The following AFMID variants were observed in gnomAD, a reference collection of about 807,000 sequenced individuals.
AFMID encodes arylformamidase.
In AFMID, 39 loss-of-function variants were observed where a neutral mutation model predicts 47.5. That is an observed-to-expected ratio of 0.82 (90% CI 0.64 to 1.07). The LOEUF (loss-of-function observed/expected upper bound fraction) is 1.07, where lower values mean the gene tolerates loss of function less well. AFMID is among the 50% of genes least tolerant of loss of function. The pLI, the probability that AFMID is intolerant of heterozygous loss-of-function variation, is 0.00. For missense variants in AFMID, 375 were observed against 387.5 expected (o/e 0.97, Z 0.27); for synonymous variants, 130 against 153.2 (o/e 0.85, Z 1.12).
rs374429075 is a variant in AFMID, at chr17:78,205,706, G to A, written c.748G>A (p.Glu250Lys). 46 of 1,611,264 alleles carry A rather than the reference G, an allele frequency of 2.9e-5. No individual in the cohort carries two copies. The highest frequency in any genetic ancestry group is 4.0e-5 in the African/African-American group (3 of 74,900). ...GGTCGTGGGCCAGTTCGACTCCCCC[G>A]AATTCCACCGACAGTCCTGGGAGTT... ...LVVVGQFDSP[E>K]FHRQSWEFYQ... The change falls in exon 9 of 11, where the codon GAA becomes AAA. Residue 250 changes from glutamate to lysine, a missense_variant. Coordinates refer to ENST00000409257, the MANE Select transcript of AFMID (RefSeq NM_001010982.5).
intron 2 of AFMID, among the ~76,000 whole-genome samples, chr17:78,201,440 G>A (rs980408015): frequency 6.6e-6 from 1 of 152,026 alleles, no homozygotes; most frequent in Non-Finnish European, 1.5e-5. Flanking sequence ...CCAATACAGT[G>A]AAACCCCGTC....
chr17:78,198,583 G>A (rs1457930809), intron 2 of AFMID, among the ~76,000 whole-genome samples: 2 of 150,954 alleles, frequency 1.3e-5, no homozygotes, highest in African/African-American at 2.4e-5. Context: ...AGGTTGGAGT[G>A]AGCGGAGATT....
rs2076283987 is a variant in AFMID, at chr17:78,202,903, C to T, written c.308+152C>T. 4 of 952,832 alleles carry T rather than the reference C, an allele frequency of 4.2e-6. No homozygotes were observed. The South Asian group carries it at 4.7e-5, about 11-fold the overall frequency. 59.0% of individuals were successfully genotyped at this position (952,832 alleles called of 1,614,324 possible). A position where few individuals can be genotyped will look rare whatever the true frequency, so the allele number is the denominator to read the frequency against. ...GCGCTGGAGAACGGAAGTCTCAAGTCAAATGTGGGCAGGGTTCCTAGGGAG... is the reference window on the plus strand; with the variant it reads ...GCGCTGGAGAACGGAAGTCTCAAGTTAAATGTGGGCAGGGTTCCTAGGGAG... On this transcript the variant is annotated intron_variant, in intron 4 of 10. Transcript: ENST00000409257.
At position 78,205,707 on chromosome 17, in the gene AFMID, A is replaced by C. The variant is rs368868619; in HGVS notation, c.749A>C (p.Glu250Ala). The C allele has an allele frequency of 1.2e-6, 2 of 1,611,304 alleles. No individual in the cohort carries two copies. The highest frequency in any genetic ancestry group is 2.7e-5 in the African/African-American group (2 of 74,886). The change falls in exon 9 of 11, where the codon GAA becomes GCA. Residue 250 changes from glutamate to alanine, a missense_variant. Glu to Ala is a moderately radical substitution (Grantham distance 107). Coordinates refer to ENST00000409257, the MANE Select transcript of AFMID (RefSeq NM_001010982.5). ...GTCGTGGGCCAGTTCGACTCCCCCG[A>C]ATTCCACCGACAGTCCTGGGAGTTT... is the stretch of plus-strand genomic sequence containing the variant. Reference protein sequence around the residue: ...LVVVGQFDSPEFHRQSWEFYQ... With the variant: ...LVVVGQFDSPAFHRQSWEFYQ...
At chr17:78,195,257 C>G (rs1305536559) in intron 2 of AFMID, among the ~76,000 whole-genome samples, 1 of 151,234 alleles carries the variant, frequency 6.6e-6, no homozygotes, top group Non-Finnish European at 1.5e-5. Flanking sequence ...GGCAGTGGTG[C>G]TATGTCATCT....
chr17:78,195,121 T>A (rs1217370785), intron 2 of AFMID, among the ~76,000 whole-genome samples: 1 of 151,782 alleles, frequency 6.6e-6, no homozygotes, highest in Non-Finnish European at 1.5e-5. Context: ...AGACAAGAAA[T>A]GGAATGGTGG....
intron 2 of AFMID, 54 bp from the exon 3 acceptor site, chr17:78,202,445 A>T (rs2076268796): frequency 6.4e-7 from 1 of 1,565,166 alleles, no homozygotes; most frequent in Non-Finnish European, 8.8e-7. Context: ...AAGAAAAGAA[A>T]AATTTCTACC....
Position 78,205,685 on chromosome 17 carries a change from G to T in AFMID, c.727G>T (p.Val243Leu). 4 of 1,612,944 alleles carry T rather than the reference G, an allele frequency of 2.5e-6. No homozygotes were observed. The highest frequency in any genetic ancestry group is 3.4e-6 in the Non-Finnish European group (4 of 1,180,016). The change falls in exon 9 of 11, where the codon GTG (valine) becomes TTG (leucine). Residue 243 changes from valine (V) to leucine (L), a missense_variant. Transcript: ENST00000409257. ...CCCCACCTGCCGTGTGCTGGTGGTCGTGGGCCAGTTCGACTCCCCCGAATT... is the reference window on the plus strand; with the variant it reads ...CCCCACCTGCCGTGTGCTGGTGGTCTTGGGCCAGTTCGACTCCCCCGAATT... ...VDPTCRVLVV[V>L]GQFDSPEFHR...
chr17:78,196,323 C>G (rs1481783014), intron 2 of AFMID, among the ~76,000 whole-genome samples: 2 of 152,154 alleles, frequency 1.3e-5, no homozygotes, highest in Non-Finnish European at 2.9e-5. Flanking sequence ...AAAGATTGCA[C>G]CACTGCACTC....
Position 78,204,661 on chromosome 17 carries a change from A to G in AFMID, c.314A>G (p.Asp105Gly), listed in dbSNP as rs151166463. Residue 105 changes from aspartate to glycine, a missense_variant, in exon 5 of 11, where the codon GAT (aspartate) becomes GGT (glycine). Coordinates refer to ENST00000409257, the MANE Select transcript of AFMID (RefSeq NM_001010982.5). ...HGGYWQSGSK[D>G]ESAFMVHPLT... Reference sequence around the variant, plus strand: ...ACATCTGTGTGTCTCTGCAGTAAGGATGAGTCTGCCTTCATGGTCCACCCG... The same window carrying G: ...ACATCTGTGTGTCTCTGCAGTAAGGGTGAGTCTGCCTTCATGGTCCACCCG... 5 of 1,613,988 alleles carry G rather than the reference A, an allele frequency of 3.1e-6. No homozygotes were observed. Among genetic ancestry groups the G allele is most frequent in the East Asian group, 2.2e-5 (1 of 44,876 alleles).
At chr17:78,194,286 C>T (rs1057143012) in intron 2 of AFMID, among the ~76,000 whole-genome samples, 2 of 151,850 alleles carry the variant, frequency 1.3e-5, no homozygotes, top group African/African-American at 4.8e-5. Context: ...GCCACCACGC[C>T]AGCTAATTTT....
At chr17:78,197,175 C>T (rs1296469711) in intron 2 of AFMID, 22 of 1,550,366 alleles carry the variant, frequency 1.4e-5, no homozygotes, top group South Asian at 4.8e-5. Flanking sequence ...AATTAAATCA[C>T]GACCTTCTGA....
At chr17:78,201,703 C>T (rs1382854612) in intron 2 of AFMID, among the ~76,000 whole-genome samples, 1 of 152,096 alleles carries the variant, frequency 6.6e-6, no homozygotes, top group Non-Finnish European at 1.5e-5. Flanking sequence ...CGCAGAACCA[C>T]AGTTCACTTG....
At chr17:78,201,607 G>A (rs139122743) in intron 2 of AFMID, among the ~76,000 whole-genome samples, 2 of 152,260 alleles carry the variant, frequency 1.3e-5, no homozygotes, top group Non-Finnish European at 2.9e-5. Context: ...TCCAGCCTGG[G>A]CAATATAGTG....
chr17:78,190,594 G>C (rs2075939142), intron 1 of AFMID: 1 of 182,590 alleles, frequency 5.5e-6, no homozygotes, highest in Non-Finnish European at 1.1e-5. Flanking sequence ...GTTTTGCCAT[G>C]TTGGCCAGGC....
chr17:78,201,306 ACGATG>A, intron 2 of AFMID, among the ~76,000 whole-genome samples: 1 of 151,136 alleles, frequency 6.6e-6, no homozygotes. Context: ...AAAAAAAAAA[ACGATG>A]AATGCTAGGA....
At chr17:78,187,960 CAAAAAAAAAAAAAAAAAAAA>C (rs34018698) in intron 1 of AFMID, among the ~76,000 whole-genome samples, 1 of 56,662 alleles carries the variant, frequency 1.8e-5, no homozygotes, top group Non-Finnish European at 3.1e-5. Context: ...GACTTAGTCT[CAAAAAAAAAAAAAAAAAAAA>C]AAAAAAAAAT....
chr17:78,202,639 G>A (rs201538494), intron 3 of AFMID, 36 bp downstream of exon 3: 3 of 1,587,194 alleles, frequency 1.9e-6, no homozygotes, highest in Admixed American at 1.8e-5. Context: ...CCGGGGCTTG[G>A]GGGTCCAGTG....
chr17:78,199,735 A>G (rs924681851), intron 2 of AFMID, among the ~76,000 whole-genome samples: 6 of 152,104 alleles, frequency 3.9e-5, no homozygotes, highest in Non-Finnish European at 7.4e-5. Context: ...GCCTCCAGGG[A>G]CAGGGATCCC....
Sources: allele counts gnomAD v4.1 joint callset (sites outside exome capture counted in the v4.1 genomes callset), GRCh38; gene constraint gnomAD v4.1.1; transcripts MANE v1.5; gene names NCBI Gene and HGNC (gene_info 2026-07-23, HGNC 2026-07-21).